The following FHIT variants were observed in gnomAD, a reference collection of about 807,000 sequenced individuals.
The protein encoded by FHIT is fragile histidine triad diadenosine triphosphatase.
Under a neutral mutation model 17.9 loss-of-function variants are expected in FHIT, and 19 were observed. The observed-to-expected ratio is 1.06, with a 90% CI of 0.74 to 1.56. The LOEUF (loss-of-function observed/expected upper bound fraction) is 1.56. Among genes scored for constraint, FHIT ranks in the 40% most tolerant of loss-of-function variants. The pLI is 0.00. For synonymous variants in FHIT, 81 were observed against 69.7 expected (o/e 1.16, Z -0.81); for missense variants, 248 against 189.2 (o/e 1.31, Z -1.82).
intron 5 of FHIT, among the ~76,000 whole-genome samples, chr3:60,164,914 A>G (rs1299053632): frequency 3.9e-5 from 6 of 152,128 alleles, no homozygotes; most frequent in Non-Finnish European, 7.3e-5. Flanking sequence ...CCAAACTCCA[A>G]TTTTCCAGGA....
At chr3:60,043,683 G>T (rs1701536771) in intron 5 of FHIT, among the ~76,000 whole-genome samples, 2 of 152,144 alleles carry the variant, frequency 1.3e-5, no homozygotes, top group Admixed American at 6.5e-5. Context: ...CAGATAGATA[G>T]ATAGATAAAA....
At chr3:61,139,196 A>AT (rs1340811109) in intron 2 of FHIT, among the ~76,000 whole-genome samples, 1 of 151,926 alleles carries the variant, frequency 6.6e-6, no homozygotes, top group East Asian at 1.9e-4. Flanking sequence ...TGCCTGGCTA[A>AT]TTTTTTGTAT....
chr3:61,036,901 G>GTT (rs746649804), intron 3 of FHIT, among the ~76,000 whole-genome samples: 3,985 of 69,860 alleles, frequency 0.057, 245 homozygotes, highest in African/African-American at 0.1. Flanking sequence ...AGTCTGCTTT[G>GTT]TTTTTTTTTT....
chr3:60,151,314 A>G (rs77237532), intron 5 of FHIT, among the ~76,000 whole-genome samples: 1,867 of 152,234 alleles, frequency 0.012, 36 homozygotes, highest in African/African-American at 0.042. Flanking sequence ...ATATGGTCCA[A>G]TATCTTCAAA....
chr3:60,666,394 G>A (rs553296160), intron 4 of FHIT, among the ~76,000 whole-genome samples: 1 of 152,180 alleles, frequency 6.6e-6, no homozygotes, highest in East Asian at 1.9e-4. Context: ...AATTCTTTCA[G>A]TACTTGAAAA....
intron 3 of FHIT, among the ~76,000 whole-genome samples, chr3:60,873,593 T>C (rs1704513998): frequency 6.6e-6 from 1 of 152,160 alleles, no homozygotes; most frequent in South Asian, 2.1e-4. Flanking sequence ...GCTGCCTCTA[T>C]CTGATGGTCC....
chr3:60,645,167 AAAAC>A (rs776029320), intron 4 of FHIT, among the ~76,000 whole-genome samples: 132 of 152,210 alleles, frequency 8.7e-4, no homozygotes, highest in Non-Finnish European at 1.8e-3. Flanking sequence ...AAGTATATCA[AAAAC>A]AACCCCACGT....
chr3:60,106,257 A>G (rs1281908074), intron 5 of FHIT, among the ~76,000 whole-genome samples: 2 of 152,210 alleles, frequency 1.3e-5, no homozygotes, highest in Non-Finnish European at 2.9e-5. Flanking sequence ...TATGCCAAGG[A>G]AAAGTCCCAA....
intron 1 of FHIT, among the ~76,000 whole-genome samples, chr3:61,214,460 G>T (rs1396516190): frequency 1.3e-5 from 2 of 152,188 alleles, no homozygotes; most frequent in Admixed American, 6.5e-5. Flanking sequence ...AAAGCAGGAA[G>T]AAGTTGGATC....
intron 8 of FHIT, among the ~76,000 whole-genome samples, chr3:59,871,003 C>G (rs1261748492): frequency 6.6e-6 from 1 of 152,118 alleles, no homozygotes; most frequent in Non-Finnish European, 1.5e-5. Context: ...TGGAACTGGT[C>G]TTCTCCTTGT....
intron 5 of FHIT, among the ~76,000 whole-genome samples, chr3:60,296,527 C>A (rs991941304): frequency 6.6e-6 from 1 of 151,970 alleles, no homozygotes; most frequent in Non-Finnish European, 1.5e-5. Flanking sequence ...TTGAGTTTTG[C>A]GAGTTCATTA....
chr3:60,362,775 T>A (rs771018994), intron 5 of FHIT, among the ~76,000 whole-genome samples: 33 of 152,164 alleles, frequency 2.2e-4, no homozygotes, highest in Non-Finnish European at 4.0e-4. Context: ...GCCTTCCTTA[T>A]AGAGTTATAG....
chr3:61,210,499 G>C (rs1175392902), intron 1 of FHIT, among the ~76,000 whole-genome samples: 1 of 152,200 alleles, frequency 6.6e-6, no homozygotes, highest in Non-Finnish European at 1.5e-5. Context: ...TCAAGCCTTG[G>C]CAATGGCAGG....
At chr3:60,413,629 G>C (rs994089229) in intron 5 of FHIT, among the ~76,000 whole-genome samples, 1 of 149,600 alleles carries the variant, frequency 6.7e-6, no homozygotes, top group Non-Finnish European at 1.5e-5. Context: ...AAGCTGCAAA[G>C]CAAGTTGACT....
chr3:60,505,783 T>C (rs1418259499), intron 5 of FHIT, among the ~76,000 whole-genome samples: 5 of 152,348 alleles, frequency 3.3e-5, no homozygotes, highest in Non-Finnish European at 5.9e-5. Flanking sequence ...GCTATCCCAT[T>C]GGCATCCATT....
At chr3:61,242,426 C>T (rs946373875) in intron 1 of FHIT, among the ~76,000 whole-genome samples, 2 of 152,154 alleles carry the variant, frequency 1.3e-5, no homozygotes, top group Non-Finnish European at 2.9e-5. Flanking sequence ...CCTGCATAAA[C>T]AAACCTTACT....
chr3:60,126,029 G>A (rs190814167), intron 5 of FHIT, among the ~76,000 whole-genome samples: 116 of 152,252 alleles, frequency 7.6e-4, no homozygotes, highest in Admixed American at 2.8e-3. Flanking sequence ...GCCCCTTGGT[G>A]TTCTGGCTTC....
At chr3:60,569,755 A>ATATATATATATATATATATATATAT in intron 4 of FHIT, among the ~76,000 whole-genome samples, 1 of 77,340 alleles carries the variant, frequency 1.3e-5, no homozygotes, top group African/African-American at 4.8e-5. Flanking sequence ...ATATATATAT[A>ATATATATATATATATATATATATAT]TTTTTTTTTT....
intron 4 of FHIT, among the ~76,000 whole-genome samples, chr3:60,645,794 A>C (rs113870208): frequency 1.3e-5 from 2 of 152,302 alleles, no homozygotes; most frequent in African/African-American, 4.8e-5. Flanking sequence ...AGTTAACGCT[A>C]TAAGAGCCTC....
Sources: gnomAD v4.1 joint callset for allele counts (sites outside exome capture counted in the v4.1 genomes callset) on GRCh38, gnomAD v4.1.1 for gene constraint, MANE v1.5 for transcripts, NCBI Gene and HGNC (gene_info 2026-07-23, HGNC 2026-07-21) for gene names.